ADARB2: variants seen among roughly 807,000 people sequenced by gnomAD.
ADARB2 encodes inactive double-stranded RNA-specific editase B2.
In ADARB2, 25 loss-of-function variants were observed where a neutral mutation model predicts 62.2. The ratio of observed to expected loss-of-function variants is 0.40; its 90% CI spans 0.29 to 0.56. ADARB2 has a LOEUF of 0.56. Among genes scored for constraint, ADARB2 ranks in the 20% least tolerant of loss-of-function variants. The pLI, the probability that ADARB2 is intolerant of heterozygous loss-of-function variation, is 0.43. For missense variants in ADARB2, 1,071 were observed against 1,077.4 expected (o/e 0.99, Z 0.08); for synonymous variants, 572 against 500.8 (o/e 1.14, Z -1.90).
intron 1 of ADARB2, among the ~76,000 whole-genome samples, chr10:1,421,050 G>A (rs114445327): frequency 3.3e-4 from 50 of 151,994 alleles, no homozygotes; most frequent in Non-Finnish European, 3.2e-4. Context: ...CTCGCCTCCA[G>A]GGGGAGCTCG....
At chr10:1,316,778 G>A (rs1278085495) in intron 3 of ADARB2, among the ~76,000 whole-genome samples, 3 of 152,186 alleles carry the variant, frequency 2.0e-5, no homozygotes, top group African/African-American at 7.2e-5. Context: ...ATGCCATTTG[G>A]CTAAAACTTA....
At chr10:1,677,428 G>A (rs918897681) in intron 1 of ADARB2, among the ~76,000 whole-genome samples, 1 of 152,148 alleles carries the variant, frequency 6.6e-6, no homozygotes, top group Non-Finnish European at 1.5e-5. Flanking sequence ...CTGGTTGGGC[G>A]GAGGTGAACA....
At chr10:1,305,333 C>CT (rs1831616513) in intron 3 of ADARB2, among the ~76,000 whole-genome samples, 1 of 151,892 alleles carries the variant, frequency 6.6e-6, no homozygotes, top group Admixed American at 6.6e-5. Flanking sequence ...ACACATACAT[C>CT]CTCCCAAGAC....
intron 3 of ADARB2, among the ~76,000 whole-genome samples, chr10:1,351,157 T>C (rs1175622494): frequency 6.6e-6 from 1 of 152,214 alleles, no homozygotes; most frequent in Non-Finnish European, 1.5e-5. Flanking sequence ...CCAGAGCCCC[T>C]GGAACTCTGG....
chr10:1,696,661 T>C (rs1834749931), intron 1 of ADARB2, among the ~76,000 whole-genome samples: 1 of 152,218 alleles, frequency 6.6e-6, no homozygotes, highest in South Asian at 2.1e-4. Context: ...GTGCCTCCGC[T>C]GAGAGATGAA....
In ADARB2 at chr10:1,535,886, G is replaced by A. The variant is rs117105276; in HGVS notation, c.101-156726C>T. On this transcript the variant is annotated intron_variant, in intron 1 of 9. Coordinates refer to ENST00000381312, the MANE Select transcript of ADARB2 (RefSeq NM_018702.4). ...GCTGAGGCGTGGGGGCCAGGGTGTG[G>A]TCAGGGCCTGTCTGGGGAGTGCCGC... 5.4e-3 allele frequency among the ~76,000 whole-genome samples: 826 copies of A among 152,314 alleles called. 2 individuals are homozygous for A. The highest frequency in any genetic ancestry group is 9.5e-3 in the Admixed American group (145 of 15,306).
At chr10:1,479,657 G>C (rs1428360735) in intron 1 of ADARB2, among the ~76,000 whole-genome samples, 1 of 152,222 alleles carries the variant, frequency 6.6e-6, no homozygotes, top group Non-Finnish European at 1.5e-5. Flanking sequence ...CTGAAGAGGG[G>C]TGGCGGCTCC....
intron 3 of ADARB2, among the ~76,000 whole-genome samples, chr10:1,327,967 T>TCAGCGCCTCCTCA (rs66900678): frequency 4.3e-5 from 6 of 138,558 alleles, no homozygotes; most frequent in African/African-American, 1.6e-4. Context: ...TCACCAGTAC[T>TCAGCGCCTCCTCA]CAGCGCCTCC....
intron 1 of ADARB2, among the ~76,000 whole-genome samples, chr10:1,665,396 C>T (rs1834303502): frequency 6.6e-6 from 1 of 152,230 alleles, no homozygotes; most frequent in African/African-American, 2.4e-5. Context: ...GTGGGGAACT[C>T]GCATCCACCC....
chr10:1,602,066 G>A lies in ADARB2; in HGVS notation c.100+134985C>T, dbSNP rs140564615. Among the ~76,000 whole-genome samples the A allele has an allele frequency of 2.5e-4, 38 of 152,272 alleles. No individual in the cohort carries two copies. In the East Asian group the frequency reaches 5.6e-3, roughly 22 times the overall value. On this transcript the variant is annotated intron_variant, in intron 1 of 9. Transcript: ENST00000381312. ...TGCGTGTTGGGTGCTGTGTGCAAAC[G>A]GAGCAGGGACAGGCTCAGAGGGCCT...
At chr10:1,254,937 C>T (rs915573495) in intron 4 of ADARB2, among the ~76,000 whole-genome samples, 1 of 152,266 alleles carries the variant, frequency 6.6e-6, no homozygotes, top group African/African-American at 2.4e-5. Flanking sequence ...CAAATGCTGA[C>T]TCTGTCCAAC....
At chr10:1,527,035 C>A in intron 1 of ADARB2, 1 of 236,886 alleles carries the variant, frequency 4.2e-6, no homozygotes, top group Non-Finnish European at 9.1e-6. Context: ...GAAGCTTCCG[C>A]ATTTGGGGAT....
At chr10:1,315,098 C>T (rs917121724) in intron 3 of ADARB2, among the ~76,000 whole-genome samples, 2 of 152,142 alleles carry the variant, frequency 1.3e-5, no homozygotes, top group Non-Finnish European at 2.9e-5. Context: ...CTCTCCCCAC[C>T]GAGTCTCTCT....
chr10:1,267,213 C>T (rs751057077), intron 4 of ADARB2, among the ~76,000 whole-genome samples: 2 of 151,070 alleles, frequency 1.3e-5, no homozygotes, highest in Non-Finnish European at 2.9e-5. Flanking sequence ...TGAGGCAGGT[C>T]AGAAATATTG....
chr10:1,178,552 C>CG lies in ADARB2; in HGVS notation c.*4640dup, dbSNP rs1225758240. On this transcript the variant is annotated 3_prime_UTR_variant, in exon 10 of 10. Transcript: ENST00000381312. Reference sequence around the variant, plus strand: ...CTGCAGTGGCGAGGAACCCAGACAGCGGCAAGGCCTACACCGTGTCCTCCA... The same window carrying CG: ...CTGCAGTGGCGAGGAACCCAGACAGCGGGCAAGGCCTACACCGTGTCCTCCA... 6.6e-6 allele frequency: 1 copy of CG among 152,234 alleles called. No individual in the cohort carries two copies. Among genetic ancestry groups the CG allele is most frequent in the Non-Finnish European group, 1.5e-5 (1 of 68,068 alleles). 9.4% of individuals were successfully genotyped at this position (152,234 alleles called of 1,614,324 possible). A position where few individuals can be genotyped will look rare whatever the true frequency, so the allele number is the denominator to read the frequency against.
intron 8 of ADARB2, among the ~76,000 whole-genome samples, chr10:1,187,056 A>G (rs73588416): frequency 0.022 from 3,309 of 152,316 alleles, 110 homozygotes; most frequent in African/African-American, 0.074. Context: ...CCATTTGCCA[A>G]CCACTTCGAA....
chr10:1,443,098 C>T (rs1197456574), intron 1 of ADARB2, among the ~76,000 whole-genome samples: 1 of 152,184 alleles, frequency 6.6e-6, no homozygotes, highest in Non-Finnish European at 1.5e-5. Context: ...AACAAACAAA[C>T]AAACAAACAA....
intron 1 of ADARB2, among the ~76,000 whole-genome samples, chr10:1,410,681 G>A (rs1832752018): frequency 6.6e-6 from 1 of 152,082 alleles, no homozygotes; most frequent in Non-Finnish European, 1.5e-5. Flanking sequence ...CAGCGGCTGC[G>A]GTGGTTTTCC....
At chr10:1,250,281 A>C (rs1395832199) in intron 4 of ADARB2, among the ~76,000 whole-genome samples, 4 of 151,830 alleles carry the variant, frequency 2.6e-5, no homozygotes, top group Non-Finnish European at 5.9e-5. Context: ...ACTCCTGTTG[A>C]GATTTGGTCC....
Sources: allele counts gnomAD v4.1 joint callset (sites outside exome capture counted in the v4.1 genomes callset), GRCh38; gene constraint gnomAD v4.1.1; transcripts MANE v1.5; gene names NCBI Gene and HGNC (gene_info 2026-07-23, HGNC 2026-07-21).